TSPAN1: variants seen among roughly 807,000 people sequenced by gnomAD.
The protein encoded by TSPAN1 is tetraspanin 1.
Under a neutral mutation model 26.9 loss-of-function variants are expected in TSPAN1, and 23 were observed. The ratio of observed to expected loss-of-function variants is 0.85; its 90% CI spans 0.62 to 1.21. TSPAN1 has a LOEUF of 1.21. Among genes scored for constraint, TSPAN1 ranks in the 50% most tolerant of loss-of-function variants. TSPAN1 has a pLI of 0.00. For missense variants in TSPAN1, 283 were observed against 298.4 expected, an observed-to-expected ratio of 0.95 and a Z score of 0.38; for synonymous variants, 115 against 114.8, an observed-to-expected ratio of 1.00 and a Z score of -0.01.
chr1:46,193,866 A>G, the TSPAN1 span: 1 of 1,613,972 alleles, frequency 6.2e-7, no homozygotes, highest in African/African-American at 1.3e-5. Flanking sequence ...TGTACAGGTA[A>G]TTGGGTCGGT....
intron 1 of TSPAN1, among the ~76,000 whole-genome samples, chr1:46,180,235 T>C (rs1657283814): frequency 1.3e-5 from 2 of 152,216 alleles, no homozygotes; most frequent in Admixed American, 1.3e-4. Flanking sequence ...ACAGAGGGTA[T>C]GTATGAGTGT....
chr1:46,187,482 A>G (rs965762738), downstream of TSPAN1, among the ~76,000 whole-genome samples: 203 of 152,154 alleles, frequency 1.3e-3, 1 homozygote, highest in African/African-American at 4.8e-3. Flanking sequence ...GCAGCCCAGA[A>G]CCACCACCCC....
rs570785773 is a variant in TSPAN1 at position 46,178,022 on chromosome 1, C to T, written c.-141-2504C>T. Among the ~76,000 whole-genome samples, 250 of 152,260 alleles carry T rather than the reference C, an allele frequency of 1.6e-3. 1 individual carries two copies. Among genetic ancestry groups the T allele is most frequent in the Non-Finnish European group, 2.8e-3 (191 of 68,016 alleles). ...ACTTCTTATGTGCCAAGCACCAGGGCCATAGATGAATGTAATCTGGTCCCA... is the reference window on the plus strand; with the variant it reads ...ACTTCTTATGTGCCAAGCACCAGGGTCATAGATGAATGTAATCTGGTCCCA... On this transcript the variant is annotated intron_variant, in intron 1 of 8. Transcript: ENST00000372003.
the TSPAN1 span, chr1:46,192,125 G>A: frequency 3.7e-6 from 6 of 1,614,118 alleles, no homozygotes; most frequent in South Asian, 1.1e-5. Context: ...TGTTGAGGCC[G>A]ACGATGCCAA....
chr1:46,182,134 G>A (rs2148142415), intron 3 of TSPAN1, among the ~76,000 whole-genome samples: 2 of 151,570 alleles, frequency 1.3e-5, no homozygotes, highest in Middle Eastern at 6.8e-3. Flanking sequence ...CCTGGTTTGT[G>A]GGAAGGGGTG....
intron 1 of TSPAN1, among the ~76,000 whole-genome samples, chr1:46,177,357 ATC>A (rs1657203170): frequency 1.2e-3 from 126 of 102,102 alleles, no homozygotes; most frequent in African/African-American, 4.1e-3. Flanking sequence ...AAATATATCT[ATC>A]TATCTATCTA....
rs1264028050 is a variant in TSPAN1 at position 46,181,115 on chromosome 1, G to T, written c.8G>T (p.Cys3Phe). 2 of 1,613,920 alleles carry T rather than the reference G, an allele frequency of 1.2e-6. No individual in the cohort carries two copies. The highest frequency in any genetic ancestry group is 4.5e-5 in the East Asian group (2 of 44,878). The change falls in exon 3 of 9, where the codon TGC (cysteine) becomes TTC (phenylalanine). Residue 3 changes from cysteine (C) to phenylalanine (F), a missense_variant. Cys to Phe is a radical substitution (Grantham distance 205). Coordinates refer to ENST00000372003, the MANE Select transcript of TSPAN1 (RefSeq NM_005727.4). ...TACCTCCCAGGAGCCACCATGCAGT[G>T]CTTCAGCTTCATTAAGACCATGATG... The part of the protein sequence containing the change: MQ[C>F]FSFIKTMMIL...
downstream of TSPAN1, among the ~76,000 whole-genome samples, chr1:46,188,004 A>C (rs1476177476): frequency 6.6e-6 from 1 of 151,908 alleles, no homozygotes; most frequent in Non-Finnish European, 1.5e-5. Context: ...AGATCCCTTA[A>C]ATGTTCTTTT....
At chr1:46,192,104 G>A in the TSPAN1 span, 45 of 1,613,828 alleles carry the variant, frequency 2.8e-5, no homozygotes, top group Non-Finnish European at 3.7e-5. Flanking sequence ...TCACGTGAAA[G>A]TAGCCATTCA....
Position 46,185,038 on chromosome 1 carries a change from T to C in TSPAN1, c.517T>C (p.Phe173Leu). 6.2e-7 allele frequency: 1 copy of C among 1,614,172 alleles called. No homozygotes were observed. Among genetic ancestry groups the C allele is most frequent in the South Asian group, 1.1e-5 (1 of 91,078 alleles). ...CAAAGAGAACAGTGCCTTTCCCCCA[T>C]TCTGTTGCAATGACAACGTCACCAA... is the stretch of plus-strand genomic sequence containing the variant. Reference protein sequence around the residue: ...YFKENSAFPPFCCNDNVTNTA... With the variant: ...YFKENSAFPPLCCNDNVTNTA... The change falls in exon 7 of 9, where the codon TTC (phenylalanine) becomes CTC (leucine). Residue 173 changes from phenylalanine (F) to leucine (L), a missense_variant. By Grantham distance (22) the Phe-to-Leu change is conservative (BLOSUM62 0). Coordinates refer to ENST00000372003, the MANE Select transcript of TSPAN1 (RefSeq NM_005727.4).
the TSPAN1 span, chr1:46,195,599 G>C: frequency 1.6e-6 from 1 of 628,706 alleles, no homozygotes; most frequent in African/African-American, 1.8e-5. Context: ...GTTTCCCATT[G>C]TATCTTCAGC....
At chr1:46,195,788 AG>A in the TSPAN1 span, 1 of 1,563,474 alleles carries the variant, frequency 6.4e-7, no homozygotes, top group South Asian at 1.2e-5. Context: ...AGTAGGGGTC[AG>A]GGTCAGGACA....
At chr1:46,181,885 T>C (rs1015483330) in intron 3 of TSPAN1, among the ~76,000 whole-genome samples, 1 of 152,076 alleles carries the variant, frequency 6.6e-6, no homozygotes, top group Admixed American at 6.6e-5. Flanking sequence ...CCAGAAGTAG[T>C]GAAACTTGAT....
chr1:46,181,656 T>C (rs1402608934), intron 3 of TSPAN1, among the ~76,000 whole-genome samples: 5 of 152,232 alleles, frequency 3.3e-5, no homozygotes, highest in Non-Finnish European at 7.3e-5. Context: ...GATACCATGA[T>C]GGGTGCTGGG....
chr1:46,177,059 G>A (rs1657190721), intron 1 of TSPAN1, among the ~76,000 whole-genome samples: 1 of 152,160 alleles, frequency 6.6e-6, no homozygotes, highest in Non-Finnish European at 1.5e-5. Context: ...TGTTGGCCAG[G>A]CATGGTGGCT....
chr1:46,193,126 C>T, the TSPAN1 span: 5 of 1,613,088 alleles, frequency 3.1e-6, no homozygotes, highest in Non-Finnish European at 4.2e-6. Flanking sequence ...GACCTTATGC[C>T]CATGTTTCCC....
chr1:46,183,693 C>A (rs746116295), intron 3 of TSPAN1: 37 of 175,684 alleles, frequency 2.1e-4, no homozygotes, highest in Non-Finnish European at 3.6e-4. Flanking sequence ...GGTGGGTGAA[C>A]CTTCTCAACC....
intron 5 of TSPAN1, 47 bp downstream of exon 5, chr1:46,184,715 G>T: frequency 6.2e-7 from 1 of 1,613,702 alleles, no homozygotes; most frequent in Non-Finnish European, 8.5e-7. Flanking sequence ...GCAAAACCCT[G>T]GGAGTGGGCT....
At chr1:46,177,374 T>A (rs1015342244) in intron 1 of TSPAN1, among the ~76,000 whole-genome samples, 1 of 138,584 alleles carries the variant, frequency 7.2e-6, no homozygotes, top group South Asian at 2.6e-4. Flanking sequence ...TATCTATCTA[T>A]CTATCTAACT....
Sources: gnomAD v4.1 joint callset for allele counts (sites outside exome capture counted in the v4.1 genomes callset) on GRCh38, gnomAD v4.1.1 for gene constraint, MANE v1.5 for transcripts, NCBI Gene and HGNC (gene_info 2026-07-23, HGNC 2026-07-21) for gene names.